The following TTC28 variants were observed in gnomAD, a reference collection of about 807,000 sequenced individuals.
The protein encoded by TTC28 is tetratricopeptide repeat domain 28.
A neutral mutation model predicts 198.0 loss-of-function variants in TTC28; 61 were observed. The observed-to-expected ratio is 0.31, with a 90% CI of 0.25 to 0.38. TTC28 has a LOEUF of 0.38. Ranked by LOEUF, TTC28 falls within the 10% of genes least tolerant of loss-of-function variation. The pLI, the probability that TTC28 is intolerant of heterozygous loss-of-function variation, is 1.00. For missense variants in TTC28, 2,678 were observed against 3,164.0 expected (o/e 0.85, Z 3.69); for synonymous variants, 1,171 against 1,297.8 (o/e 0.90, Z 2.10).
chr22:28,185,973 A>G (rs1177614331), intron 5 of TTC28, among the ~76,000 whole-genome samples: 6 of 152,202 alleles, frequency 3.9e-5, no homozygotes, highest in Non-Finnish European at 7.3e-5. Flanking sequence ...ACAAAAAATG[A>G]GAAAGAAGGC....
At chr22:28,352,422 A>C (rs2145935336) in intron 2 of TTC28, among the ~76,000 whole-genome samples, 1 of 152,122 alleles carries the variant, frequency 6.6e-6, no homozygotes, top group Admixed American at 6.5e-5. Flanking sequence ...CAAATCTAAA[A>C]ACAAAGAATG....
In TTC28 at chr22:28,106,961, T is replaced by C. The variant is rs985971845; in HGVS notation, c.2783+101A>G. On this transcript the variant is annotated intron_variant, in intron 7 of 22. Transcript: ENST00000397906. ...TCAGATGAGATATGTACGAAAATGT[T>C]TGTAGTTAACAAACTGCCATGCAGA... is the stretch of plus-strand genomic sequence containing the variant. 59 of 1,406,768 alleles carry C rather than the reference T, an allele frequency of 4.2e-5. No homozygotes were observed. In the African/African-American group the frequency reaches 7.7e-4, roughly 18 times the overall value. The allele number at this position is 1,406,768 out of a possible 1,614,324, so 87.1% of individuals were successfully genotyped here.
chr22:28,295,458 T>C (rs888928780), intron 5 of TTC28, among the ~76,000 whole-genome samples: 16 of 152,370 alleles, frequency 1.1e-4, no homozygotes, highest in African/African-American at 3.6e-4. Context: ...ACTTTACATA[T>C]ATTATTTATA....
chr22:28,179,476 G>T (rs571977125), intron 5 of TTC28, among the ~76,000 whole-genome samples: 3 of 152,054 alleles, frequency 2.0e-5, no homozygotes, highest in Non-Finnish European at 2.9e-5. Context: ...GGTTTTTAAG[G>T]CCATTCACAA....
chr22:28,142,220 T>C (rs140981365), intron 6 of TTC28, among the ~76,000 whole-genome samples: 3 of 152,356 alleles, frequency 2.0e-5, no homozygotes, highest in South Asian at 2.1e-4. Context: ...CCAGTAAGTG[T>C]TGGCTCACCA....
At chr22:28,188,897 C>G (rs1294700501) in intron 5 of TTC28, among the ~76,000 whole-genome samples, 1 of 152,164 alleles carries the variant, frequency 6.6e-6, no homozygotes, top group Non-Finnish European at 1.5e-5. Flanking sequence ...CACAGAGGCA[C>G]TAATTCGTTT....
At chr22:28,385,496 G>A (rs2046565844) in intron 2 of TTC28, among the ~76,000 whole-genome samples, 2 of 151,814 alleles carry the variant, frequency 1.3e-5, no homozygotes, top group South Asian at 4.2e-4. Context: ...AGATTCAGTA[G>A]AAGGTACAGA....
At chr22:28,354,970 C>G in intron 2 of TTC28, among the ~76,000 whole-genome samples, 1 of 108,298 alleles carries the variant, frequency 9.2e-6, no homozygotes, top group South Asian at 3.7e-4. Context: ...CTATCCCTCC[C>G]CCCTCCCCCC....
chr22:28,578,860 C>T (rs2050189406), intron 2 of TTC28, among the ~76,000 whole-genome samples: 1 of 151,988 alleles, frequency 6.6e-6, no homozygotes, highest in Admixed American at 6.6e-5. Flanking sequence ...TTTAGACCAG[C>T]CCTAGTCAGA....
At chr22:28,401,511 G>C (rs983735100) in intron 2 of TTC28, among the ~76,000 whole-genome samples, 4 of 152,088 alleles carry the variant, frequency 2.6e-5, no homozygotes, top group African/African-American at 9.7e-5. Flanking sequence ...AGCTACTCAG[G>C]AGGCTGAGGC....
At chr22:28,119,037 C>G (rs1942714779) in intron 6 of TTC28, among the ~76,000 whole-genome samples, 1 of 152,196 alleles carries the variant, frequency 6.6e-6, no homozygotes, top group Non-Finnish European at 1.5e-5. Context: ...GCTGCCTAAG[C>G]TCTGCAATTT....
intron 1 of TTC28, among the ~76,000 whole-genome samples, chr22:28,661,827 G>A (rs753183146): frequency 9.2e-5 from 14 of 151,978 alleles, no homozygotes; most frequent in Non-Finnish European, 1.6e-4. Flanking sequence ...AGCTGGTCTC[G>A]AACTCCTGAC....
At chr22:28,585,892 G>C (rs374787594) in intron 2 of TTC28, among the ~76,000 whole-genome samples, 13 of 151,830 alleles carry the variant, frequency 8.6e-5, no homozygotes, top group African/African-American at 3.1e-4. Context: ...TGGATTGATG[G>C]GTTCAGCAAA....
intron 2 of TTC28, among the ~76,000 whole-genome samples, chr22:28,404,232 G>A (rs1209473246): frequency 2.0e-5 from 3 of 151,996 alleles, no homozygotes; most frequent in Non-Finnish European, 4.4e-5. Context: ...CCATTCTCCT[G>A]CCTCAGCCTC....
At chr22:28,661,462 C>G (rs1296041008) in intron 1 of TTC28, among the ~76,000 whole-genome samples, 1 of 152,054 alleles carries the variant, frequency 6.6e-6, no homozygotes, top group African/African-American at 2.4e-5. Context: ...TTCTGTGGCC[C>G]AGGCTACAGT....
chr22:28,188,098 A>G (rs1924378040), intron 5 of TTC28, among the ~76,000 whole-genome samples: 1 of 152,228 alleles, frequency 6.6e-6, no homozygotes, highest in Non-Finnish European at 1.5e-5. Context: ...GTTTAGGCGG[A>G]GGCAGACTAG....
At chr22:28,546,059 T>C (rs566682846) in intron 2 of TTC28, among the ~76,000 whole-genome samples, 14 of 152,348 alleles carry the variant, frequency 9.2e-5, no homozygotes, top group African/African-American at 2.9e-4. Context: ...AGAAGACTTA[T>C]GCTACCTGAT....
At chr22:28,678,815 T>C (rs2052043383) in intron 1 of TTC28, among the ~76,000 whole-genome samples, 1 of 152,208 alleles carries the variant, frequency 6.6e-6, no homozygotes, top group South Asian at 2.1e-4. Context: ...CGGCTCCTGC[T>C]TGCAGGAAGC....
chr22:28,253,922 T>C (rs997242874), intron 5 of TTC28, among the ~76,000 whole-genome samples: 1 of 151,994 alleles, frequency 6.6e-6, no homozygotes, highest in African/African-American at 2.4e-5. Context: ...CTGGCCAACA[T>C]GGTGAAACTT....
Sources: allele counts gnomAD v4.1 joint callset (sites outside exome capture counted in the v4.1 genomes callset), GRCh38; gene constraint gnomAD v4.1.1; transcripts MANE v1.5; gene names NCBI Gene and HGNC (gene_info 2026-07-23, HGNC 2026-07-21).